The following SLC35D4 variants were observed in gnomAD, a reference collection of about 807,000 sequenced individuals.
The protein encoded by SLC35D4 is UDP-N-acetylglucosamine transporter SLC35D4.
the SLC35D4 span, among the ~76,000 whole-genome samples, chr18:23,295,293 G>T: frequency 6.6e-6 from 1 of 151,818 alleles, no homozygotes; most frequent in Non-Finnish European, 1.5e-5. Context: ...TGGTGGATAG[G>T]TGCAGCAAAC....
At chr18:23,423,913 G>C in the SLC35D4 span, among the ~76,000 whole-genome samples, 44 of 152,206 alleles carry the variant, frequency 2.9e-4, no homozygotes, top group Middle Eastern at 3.4e-3. Flanking sequence ...AGAGAGAAGG[G>C]GCTGATCCTG....
the SLC35D4 span, among the ~76,000 whole-genome samples, chr18:23,380,015 T>C: frequency 1.2e-3 from 183 of 152,194 alleles, no homozygotes; most frequent in African/African-American, 4.3e-3. Context: ...GAGAATCGCT[T>C]AGAACCGGGA....
chr18:23,308,084 G>A, the SLC35D4 span, among the ~76,000 whole-genome samples: 9 of 152,232 alleles, frequency 5.9e-5, no homozygotes, highest in Admixed American at 5.2e-4. Context: ...CTGTCAGGGA[G>A]GAAATTAGCA....
At chr18:23,331,711 G>C in the SLC35D4 span, 1 of 153,214 alleles carries the variant, frequency 6.5e-6, no homozygotes, top group Admixed American at 6.6e-5. Context: ...CATTGCACCA[G>C]GCTCCGCAGA....
At chr18:23,354,519 C>CAAA in the SLC35D4 span, among the ~76,000 whole-genome samples, 1 of 104,214 alleles carries the variant, frequency 9.6e-6, no homozygotes, top group African/African-American at 3.7e-5. Flanking sequence ...GATTCCGTCT[C>CAAA]AAAAAAAAAA....
At chr18:23,373,710 AC>A in the SLC35D4 span, 23 of 1,613,804 alleles carry the variant, frequency 1.4e-5, no homozygotes, top group Non-Finnish European at 1.9e-5. Context: ...ACTTGGACTT[AC>A]CTGGGAGTCA....
At chr18:23,380,900 G>C in the SLC35D4 span, among the ~76,000 whole-genome samples, 1 of 152,040 alleles carries the variant, frequency 6.6e-6, no homozygotes, top group Admixed American at 6.6e-5. Context: ...CATAATCTGA[G>C]AATGAAGTCA....
the SLC35D4 span, chr18:23,430,693 C>A: frequency 6.2e-7 from 1 of 1,606,950 alleles, no homozygotes; most frequent in Non-Finnish European, 8.5e-7. Flanking sequence ...AAACAAACAC[C>A]AAATTACTGG....
the SLC35D4 span, among the ~76,000 whole-genome samples, chr18:23,260,685 A>G: frequency 1.3e-5 from 2 of 151,600 alleles, no homozygotes; most frequent in Non-Finnish European, 2.9e-5. Context: ...AACAAAAGAC[A>G]TCTTTCAAAT....
At chr18:23,390,196 T>A in the SLC35D4 span, among the ~76,000 whole-genome samples, 2 of 152,220 alleles carry the variant, frequency 1.3e-5, no homozygotes, top group African/African-American at 2.4e-5. Flanking sequence ...TTCTCTTTTT[T>A]ACCTGACTCT....
At chr18:23,301,995 C>T in the SLC35D4 span, among the ~76,000 whole-genome samples, 6 of 152,272 alleles carry the variant, frequency 3.9e-5, no homozygotes, top group African/African-American at 1.2e-4. Context: ...TTGAGTACTT[C>T]GGTTTATAAT....
chr18:23,256,448 G>A, the SLC35D4 span, among the ~76,000 whole-genome samples: 3 of 152,182 alleles, frequency 2.0e-5, no homozygotes, highest in South Asian at 4.1e-4. Context: ...AACTTACCAC[G>A]TGGTTTTTAT....
At chr18:23,323,692 G>A in the SLC35D4 span, among the ~76,000 whole-genome samples, 3 of 152,188 alleles carry the variant, frequency 2.0e-5, no homozygotes, top group African/African-American at 7.2e-5. Flanking sequence ...CCCCCAGTGT[G>A]ATAGTATTTG....
chr18:23,293,387 A>AT, the SLC35D4 span, among the ~76,000 whole-genome samples: 1 of 152,362 alleles, frequency 6.6e-6, no homozygotes, highest in South Asian at 2.1e-4. Context: ...TTGATAGTAC[A>AT]TTTTATTTAG....
the SLC35D4 span, among the ~76,000 whole-genome samples, chr18:23,427,121 G>A: frequency 2.6e-5 from 4 of 152,116 alleles, no homozygotes; most frequent in African/African-American, 9.7e-5. Flanking sequence ...AGGACTTCAT[G>A]ACTAAAACAC....
the SLC35D4 span, among the ~76,000 whole-genome samples, chr18:23,402,487 A>C: frequency 8.5e-5 from 13 of 152,308 alleles, no homozygotes; most frequent in African/African-American, 3.1e-4. Flanking sequence ...CTTTAATTAA[A>C]ATAAATAGAT....
At chr18:23,417,385 GA>G in the SLC35D4 span, among the ~76,000 whole-genome samples, 1 of 152,124 alleles carries the variant, frequency 6.6e-6, no homozygotes, top group South Asian at 2.1e-4. Context: ...CATGAAACTT[GA>G]AAACATTAAT....
chr18:23,365,602 GACAA>G, the SLC35D4 span: 1 of 1,611,752 alleles, frequency 6.2e-7, no homozygotes, highest in African/African-American at 1.3e-5. Flanking sequence ...ATGTCAAACA[GACAA>G]ACAAAACAAC....
chr18:23,319,442 T>C, the SLC35D4 span, among the ~76,000 whole-genome samples: 3 of 151,910 alleles, frequency 2.0e-5, no homozygotes, highest in African/African-American at 7.3e-5. Context: ...AGCTAATGTT[T>C]GTATTTTTTG....
Sources: gnomAD v4.1 joint callset for allele counts (sites outside exome capture counted in the v4.1 genomes callset) on GRCh38, gnomAD v4.1.1 for gene constraint, MANE v1.5 for transcripts, NCBI Gene and HGNC (gene_info 2026-07-23, HGNC 2026-07-21) for gene names.